ARHGEF17: variants seen among roughly 807,000 people sequenced by gnomAD.
ARHGEF17 encodes Rho guanine nucleotide exchange factor 17.
ARHGEF17 carries 80 observed loss-of-function variants against 174.0 expected under a neutral mutation model. The ratio of observed to expected loss-of-function variants is 0.46; its 90% CI spans 0.38 to 0.55. The LOEUF is 0.55. Among genes scored for constraint, ARHGEF17 ranks in the 20% least tolerant of loss-of-function variants. ARHGEF17 has a pLI of 0.00. For missense variants in ARHGEF17, 2,886 were observed against 2,839.7 expected, an observed-to-expected ratio of 1.02 and a Z score of -0.37; for synonymous variants, 1,311 against 1,189.1, an observed-to-expected ratio of 1.10 and a Z score of -2.11.
In ARHGEF17 at chr11:73,323,820, C is replaced by G. The variant is rs78607976; in HGVS notation, c.3192+11990C>G. Among the ~76,000 whole-genome samples the G allele has an allele frequency of 6.0e-3, 921 of 152,380 alleles. 9 individuals are homozygous for G. The highest frequency in any genetic ancestry group is 0.027 in the Middle Eastern group (8 of 294). ...GAAGGGTGGGCCCGGCCTGCCCCATCTCATCACCTGGACGTGGTGCCTGGG... is the reference window on the plus strand; with the variant it reads ...GAAGGGTGGGCCCGGCCTGCCCCATGTCATCACCTGGACGTGGTGCCTGGG... On this transcript the variant is annotated intron_variant, in intron 1 of 20. Coordinates refer to ENST00000263674, the MANE Select transcript of ARHGEF17 (RefSeq NM_014786.4).
rs745642279 is a variant in ARHGEF17 at position 73,311,316 on chromosome 11, T to C, written c.2678T>C (p.Leu893Pro). The C allele has an allele frequency of 1.2e-6, 2 of 1,613,162 alleles. No homozygotes were observed. Among genetic ancestry groups the C allele is most frequent in the Non-Finnish European group, 1.7e-6 (2 of 1,180,032 alleles). Residue 893 changes from leucine (L) to proline (P), a missense_variant, in exon 1 of 21, where the codon CTG becomes CCG. Transcript: ENST00000263674. ...TCTGAAAGGGCCCTACCTGAGGCTC[T>C]GCCTCCCCCTGCCACTGCCCACCGA... Reference protein sequence around the residue: ...AQSERALPEALPPPATAHRNF... With the variant: ...AQSERALPEAPPPPATAHRNF...
chr11:73,313,624 G>A (rs1330935486), intron 1 of ARHGEF17, among the ~76,000 whole-genome samples: 1 of 152,130 alleles, frequency 6.6e-6, no homozygotes, highest in African/African-American at 2.4e-5. Context: ...TCCCTGCCAC[G>A]AACAGAGGCC....
At chr11:73,354,966 T>C (rs529664717) in intron 3 of ARHGEF17, among the ~76,000 whole-genome samples, 1 of 152,206 alleles carries the variant, frequency 6.6e-6, no homozygotes, top group Non-Finnish European at 1.5e-5. Context: ...GAGGGAGAAC[T>C]TGTCCTAGGA....
intron 1 of ARHGEF17, among the ~76,000 whole-genome samples, chr11:73,336,787 G>A (rs1201985653): frequency 4.6e-5 from 7 of 152,182 alleles, no homozygotes; most frequent in African/African-American, 1.7e-4. Flanking sequence ...CAGTGTGGTC[G>A]GATAGTGCTG....
intron 7 of ARHGEF17, 119 bp downstream of exon 7, chr11:73,356,878 G>A (rs557420153): frequency 1.1e-5 from 16 of 1,515,614 alleles, no homozygotes; most frequent in Middle Eastern, 1.7e-4. Context: ...AGCCCTGGTC[G>A]AGTCCCCACT....
chr11:73,327,294 C>T (rs995689607), intron 1 of ARHGEF17, among the ~76,000 whole-genome samples: 3 of 152,266 alleles, frequency 2.0e-5, no homozygotes, highest in Non-Finnish European at 4.4e-5. Context: ...CTCAGCCCAG[C>T]TCAGTCACAC....
chr11:73,368,044 C>T lies in ARHGEF17; in HGVS notation c.*264C>T. The stretch of plus-strand genomic sequence containing the variant: ...CATGTGGGCTGACCAGGACCTCTGA[C>T]CCTGGAGCTTCTACCAAAGACACAG... On this transcript the variant is annotated 3_prime_UTR_variant, in exon 21 of 21. Transcript: ENST00000263674. 1 of 413,974 alleles carries T rather than the reference C, an allele frequency of 2.4e-6. No individual in the cohort carries two copies. The highest frequency in any genetic ancestry group is 3.7e-5 in the East Asian group (1 of 26,950). The allele number at this position is 413,974 out of a possible 1,614,324, so 25.6% of individuals were successfully genotyped here. A position where few individuals can be genotyped will look rare whatever the true frequency, so the allele number is the denominator to read the frequency against.
At chr11:73,346,814 A>G (rs779137218) in intron 1 of ARHGEF17, 69 bp from the exon 2 acceptor site, 52 of 1,240,894 alleles carry the variant, frequency 4.2e-5, no homozygotes, top group Non-Finnish European at 5.0e-5. Context: ...TCTGGGCACC[A>G]TGTGGCTACA....
chr11:73,325,658 C>T (rs180729631), intron 1 of ARHGEF17, among the ~76,000 whole-genome samples: 60 of 152,336 alleles, frequency 3.9e-4, no homozygotes, highest in Admixed American at 1.1e-3. Context: ...TGAGACCTTC[C>T]CTGGAGCAAG....
At chr11:73,328,729 T>A (rs575241867) in intron 1 of ARHGEF17, among the ~76,000 whole-genome samples, 7 of 152,376 alleles carry the variant, frequency 4.6e-5, no homozygotes, top group Non-Finnish European at 7.3e-5. Context: ...CCCTGTTCTC[T>A]GGTGCAGTCT....
At chr11:73,361,265 C>A in intron 12 of ARHGEF17, 104 bp downstream of exon 12, 1 of 1,037,480 alleles carries the variant, frequency 9.6e-7, no homozygotes, top group South Asian at 1.5e-5. Flanking sequence ...ATTGCTATTG[C>A]TCCTTATGTC....
At chr11:73,334,754 C>G (rs1865260273) in intron 1 of ARHGEF17, among the ~76,000 whole-genome samples, 1 of 152,180 alleles carries the variant, frequency 6.6e-6, no homozygotes, top group Non-Finnish European at 1.5e-5. Context: ...ATGACTGCAG[C>G]CCTTCCCCCT....
chr11:73,339,697 G>A (rs761370349), intron 1 of ARHGEF17, among the ~76,000 whole-genome samples: 1 of 152,166 alleles, frequency 6.6e-6, no homozygotes, highest in Non-Finnish European at 1.5e-5. Context: ...AGGGTTAGGT[G>A]CTCCCCAGGG....
intron 1 of ARHGEF17, chr11:73,343,116 C>T (rs1865400812): frequency 5.4e-6 from 2 of 367,706 alleles, no homozygotes; most frequent in African/African-American, 2.1e-5. Context: ...CACCCCGGCG[C>T]CCCCGCCCCA....
rs1277026731 is a variant in ARHGEF17, at chr11:73,362,583, G to C, written c.4845G>C (p.Ser1615=). ...GCCTTCACATCTCCATTGCAGGCTC[G>C]GGCTTGGAGATGACGCCGGGCCTCG... The part of the protein sequence containing the change: ...QPCLHISIAG[S]GLEMTPGLGE... The change falls in exon 14 of 21, where the codon TCG becomes TCC. Residue 1615 remains serine, a synonymous_variant. Transcript: ENST00000263674. 2 of 1,610,332 alleles carry C rather than the reference G, an allele frequency of 1.2e-6. No homozygotes were observed. The highest frequency in any genetic ancestry group is 8.5e-7 in the Non-Finnish European group (1 of 1,179,856).
intron 2 of ARHGEF17, among the ~76,000 whole-genome samples, chr11:73,352,248 C>A (rs1190706511): frequency 6.6e-6 from 1 of 152,126 alleles, no homozygotes; most frequent in Non-Finnish European, 1.5e-5. Flanking sequence ...CACTTGAACC[C>A]GGGAGGCGGA....
At position 73,364,257 on chromosome 11, in the gene ARHGEF17, C is replaced by T. The variant is rs375578912; in HGVS notation, c.5401+18C>T. ...GGAAGCAGGTGAGTATCTGCCCTCC[C>T]CCACACCCTGCCCCTGTCCCCTTAC... On this transcript the variant is annotated intron_variant, in intron 17 of 20. Transcript: ENST00000263674. 41 of 1,613,748 alleles carry T rather than the reference C, an allele frequency of 2.5e-5. No individual in the cohort carries two copies. The highest frequency in any genetic ancestry group is 1.8e-4 in the East Asian group (8 of 44,900).
At chr11:73,315,767 A>C (rs1864919287) in intron 1 of ARHGEF17, among the ~76,000 whole-genome samples, 1 of 152,160 alleles carries the variant, frequency 6.6e-6, no homozygotes, top group Admixed American at 6.5e-5. Context: ...CTGTCCAGGA[A>C]TGAGTCCTCC....
Position 73,309,423 on chromosome 11 carries a change from C to T in ARHGEF17, c.785C>T (p.Pro262Leu), listed in dbSNP as rs946895654. ...EEEEEGPPQL[P>L]GAQSPAYHGG... ...GAAGAGGAGGGCCCGCCGCAGCTGC[C>T]TGGAGCCCAGAGTCCGGCCTACCAC... The change falls in exon 1 of 21, where the codon CCT becomes CTT. Residue 262 changes from proline (P) to leucine (L), a missense_variant. By Grantham distance (98) the Pro-to-Leu change is moderately conservative. Around this residue, in one of 4 missense-constraint regions of ARHGEF17, gnomAD observed 1,728 missense variants for 1,461.2 expected, o/e 1.18. Transcript: ENST00000263674. 1 of 1,549,608 alleles carries T rather than the reference C, an allele frequency of 6.5e-7. No homozygotes were observed.
Sources: allele counts gnomAD v4.1 joint callset (sites outside exome capture counted in the v4.1 genomes callset), GRCh38; gene constraint gnomAD v4.1.1; regional missense constraint gnomAD v4.1.1; transcripts MANE v1.5; gene names NCBI Gene and HGNC (gene_info 2026-07-23, HGNC 2026-07-21).